Variants in PCDHGA5 observed in about 807,000 individuals in gnomAD.
The protein encoded by PCDHGA5 is protocadherin gamma-A5.
Under a neutral mutation model 56.7 loss-of-function variants are expected in PCDHGA5, and 36 were observed. The observed-to-expected ratio is 0.64, with a 90% CI of 0.49 to 0.84. The LOEUF (loss-of-function observed/expected upper bound fraction) is 0.84, where lower values mean the gene tolerates loss of function less well. Ranked by LOEUF, PCDHGA5 falls within the 40% of genes least tolerant of loss-of-function variation. The pLI, the probability that PCDHGA5 is intolerant of heterozygous loss-of-function variation, is 0.00. For synonymous variants in PCDHGA5, 563 were observed against 520.2 expected (o/e 1.08, Z -1.12); for missense variants, 1,305 against 1,201.5 (o/e 1.09, Z -1.27).
At chr5:141,370,852 C>T (rs558873325) in intron 1 of PCDHGA5, 5 of 1,614,018 alleles carry the variant, frequency 3.1e-6, no homozygotes, top group Non-Finnish European at 4.2e-6. Flanking sequence ...GCCACATTTG[C>T]CCTGGAATCT....
chr5:141,406,344 A>G (rs1227863234), intron 1 of PCDHGA5, among the ~76,000 whole-genome samples: 1 of 152,148 alleles, frequency 6.6e-6, no homozygotes, highest in Non-Finnish European at 1.5e-5. Flanking sequence ...TCATTTATTC[A>G]GGTCATACTA....
At chr5:141,374,163 C>T (rs764323551) in intron 1 of PCDHGA5, 3 of 1,612,724 alleles carry the variant, frequency 1.9e-6, no homozygotes, top group Admixed American at 1.7e-5. Context: ...TGGGGGGCCG[C>T]GGCAGCGCAG....
intron 3 of PCDHGA5, among the ~76,000 whole-genome samples, chr5:141,508,975 G>T (rs1360718244): frequency 2.6e-5 from 4 of 152,148 alleles, no homozygotes; most frequent in African/African-American, 7.2e-5. Context: ...AAGGGCTGGG[G>T]GTGGGGGCCA....
At chr5:141,407,881 C>T in intron 1 of PCDHGA5, 2 of 375,244 alleles carry the variant, frequency 5.3e-6, no homozygotes, top group Non-Finnish European at 9.5e-6. Context: ...ATATACATTT[C>T]GGAGACCGAA....
chr5:141,430,337 C>G (rs531455580), intron 1 of PCDHGA5, among the ~76,000 whole-genome samples: 1 of 150,908 alleles, frequency 6.6e-6, no homozygotes, highest in East Asian at 2.0e-4. Context: ...TTTATAGAAA[C>G]TTCCAATTCA....
chr5:141,486,645 C>T lies in PCDHGA5; in HGVS notation c.2422-8162C>T, dbSNP rs369948556. ...GACTCTGGCTTGAATGCGCTTATCT[C>T]CTACTCACTCCTGGAGCCCAGGAAT... On this transcript the variant is annotated intron_variant, in intron 1 of 3. Coordinates refer to ENST00000518069, the MANE Select transcript of PCDHGA5 (RefSeq NM_018918.3). This position sits in a 1 kb window ranked among gnomAD's most constrained non-coding sequence, Gnocchi z 5.0. 1.9e-6 allele frequency: 3 copies of T among 1,613,752 alleles called. No individual in the cohort carries two copies. The highest frequency in any genetic ancestry group is 2.2e-5 in the East Asian group (1 of 44,896).
At chr5:141,427,444 G>T (rs1184893966) in intron 1 of PCDHGA5, 1 of 482,228 alleles carries the variant, frequency 2.1e-6, no homozygotes, top group South Asian at 1.5e-5. Flanking sequence ...ATAAACGAAA[G>T]AGTTCCTTTT....
chr5:141,408,239 C>A, intron 1 of PCDHGA5: 2 of 1,577,720 alleles, frequency 1.3e-6, no homozygotes, highest in South Asian at 2.3e-5. Flanking sequence ...CCGGGCCGGC[C>A]CGCGGCAGGT....
intron 1 of PCDHGA5, chr5:141,411,445 G>A (rs926329934): frequency 1.3e-5 from 2 of 151,656 alleles, no homozygotes; most frequent in South Asian, 2.1e-4. Flanking sequence ...TTAGCAGAGT[G>A]TGGTAGCATT....
chr5:141,473,626 G>A lies in PCDHGA5; in HGVS notation c.2422-21181G>A, dbSNP rs149882847. ...GCAAAGCAAAGGGAGGGAGGAAAAA[G>A]CAGCTTTCCTGGCAAAGGAACAATT... On this transcript the variant is annotated intron_variant, in intron 1 of 3. Transcript: ENST00000518069. Among the ~76,000 whole-genome samples, 1,234 of 152,276 alleles carry A rather than the reference G, an allele frequency of 8.1e-3. 14 individuals are homozygous for A. Among genetic ancestry groups the A allele is most frequent in the Non-Finnish European group, 0.011 (715 of 68,020 alleles).
chr5:141,430,395 A>C (rs1461176471), intron 1 of PCDHGA5, among the ~76,000 whole-genome samples: 1 of 152,096 alleles, frequency 6.6e-6, no homozygotes, highest in Non-Finnish European at 1.5e-5. Context: ...AAAAAAAAAA[A>C]AGCTCACTAA....
chr5:141,378,181 C>G (rs183481155), intron 1 of PCDHGA5: 2 of 152,302 alleles, frequency 1.3e-5, no homozygotes, highest in Admixed American at 6.5e-5. Flanking sequence ...AGCACCGATG[C>G]TGTGTGCCTA....
intron 3 of PCDHGA5, among the ~76,000 whole-genome samples, chr5:141,509,336 GC>G (rs2099876304): frequency 6.6e-6 from 1 of 152,178 alleles, no homozygotes; most frequent in Non-Finnish European, 1.5e-5. Context: ...TGCCAGCTGG[GC>G]CTGGGCTGGC....
chr5:141,420,613 A>G (rs536307424), intron 1 of PCDHGA5, among the ~76,000 whole-genome samples: 53 of 152,194 alleles, frequency 3.5e-4, no homozygotes, highest in Non-Finnish European at 1.9e-4. Flanking sequence ...CAAGTATTTC[A>G]TCTTCATTTA....
intron 1 of PCDHGA5, among the ~76,000 whole-genome samples, chr5:141,444,257 C>T (rs376980362): frequency 1.2e-4 from 18 of 147,512 alleles, no homozygotes; most frequent in East Asian, 6.0e-4. Context: ...CTGCAACCTC[C>T]GCCTCCCAGG....
chr5:141,429,426 G>C (rs992784469), intron 1 of PCDHGA5, among the ~76,000 whole-genome samples: 3 of 151,724 alleles, frequency 2.0e-5, no homozygotes, highest in African/African-American at 4.8e-5. Context: ...TGTTGCCCAG[G>C]CTGGACTCAA....
At chr5:141,404,396 A>C (rs2094523935) in intron 1 of PCDHGA5, 2 of 1,613,816 alleles carry the variant, frequency 1.2e-6, no homozygotes, top group Non-Finnish European at 1.7e-6. Context: ...CCCTGATAGC[A>C]ATGAGAATTC....
In PCDHGA5 at chr5:141,491,225, T is replaced by G. The variant is rs764111440; in HGVS notation, c.2422-3582T>G. The stretch of plus-strand genomic sequence containing the variant: ...CCTTCACTCTCCTCCACAGCCACAG[T>G]GCTGCTGGTTCTGGAGGATGAGGAC... On this transcript the variant is annotated intron_variant, in intron 1 of 3. Transcript: ENST00000518069. This position sits in a 1 kb window ranked among gnomAD's most constrained non-coding sequence, Gnocchi z 6.9. 6.2e-7 allele frequency: 1 copy of G among 1,614,232 alleles called. No individual in the cohort carries two copies. Among genetic ancestry groups the G allele is most frequent in the Non-Finnish European group, 8.5e-7 (1 of 1,180,028 alleles).
chr5:141,382,477 A>C (rs906879449), intron 1 of PCDHGA5, among the ~76,000 whole-genome samples: 5 of 152,240 alleles, frequency 3.3e-5, no homozygotes, highest in African/African-American at 1.2e-4. Context: ...ATTATCTAAG[A>C]TTATCAAACA....
Sources: allele counts gnomAD v4.1 joint callset (sites outside exome capture counted in the v4.1 genomes callset), GRCh38; gene constraint gnomAD v4.1.1; non-coding constraint Gnocchi (gnomAD v3.1); transcripts MANE v1.5; gene names NCBI Gene and HGNC (gene_info 2026-07-23, HGNC 2026-07-21).